SLC6A5: variants seen among roughly 807,000 people sequenced by gnomAD.
SLC6A5 encodes the protein sodium- and chloride-dependent glycine transporter 2.
A neutral mutation model predicts 90.5 loss-of-function variants in SLC6A5; 58 were observed. The ratio of observed to expected loss-of-function variants is 0.64; its 90% confidence interval spans 0.52 to 0.80. SLC6A5 has a LOEUF of 0.80. Ranked by LOEUF, SLC6A5 falls within the 30% of genes least tolerant of loss-of-function variation. The probability of loss-of-function intolerance (pLI) is 0.00; values close to 1 mark genes in which losing one functional copy is unlikely to be tolerated. For synonymous variants in SLC6A5, 427 were observed against 401.4 expected (o/e 1.06, Z -0.76); for missense variants, 1,015 against 1,017.6 (o/e 1.00, Z 0.03).
chr11:20,625,712 A>T (rs1243247712), intron 7 of SLC6A5, among the ~76,000 whole-genome samples: 4 of 151,754 alleles, frequency 2.6e-5, no homozygotes, highest in African/African-American at 9.7e-5. Flanking sequence ...TGCTGTGCTG[A>T]TAGTGAGTGA....
intron 7 of SLC6A5, among the ~76,000 whole-genome samples, chr11:20,625,931 T>C (rs1341556522): frequency 6.6e-5 from 10 of 152,248 alleles, no homozygotes; most frequent in Non-Finnish European, 1.2e-4. Flanking sequence ...ATTGTCTTTG[T>C]GTCTTCTAGG....
Position 20,657,969 on chromosome 11 carries a change from T to G in SLC6A5, c.*3101T>G, listed in dbSNP as rs546536951. On this transcript the variant is annotated 3_prime_UTR_variant, in exon 16 of 16. Transcript: ENST00000525748. ...TGTATTGCATGAGGTCTGTGGTCAA[T>G]GCAAAATCATGATGACCTCAATGTC... The G allele has an allele frequency of 6.6e-6, 1 of 152,372 alleles. No individual in the cohort carries two copies. The highest frequency in any genetic ancestry group is 1.9e-4 in the East Asian group (1 of 5,192). The allele number at this position is 152,372 out of a possible 1,614,324, so 9.4% of individuals were successfully genotyped here. A position where few individuals can be genotyped will look rare whatever the true frequency, so the allele number is the denominator to read the frequency against.
intron 13 of SLC6A5, among the ~76,000 whole-genome samples, chr11:20,646,525 A>G (rs1318963643): frequency 6.6e-6 from 1 of 152,214 alleles, no homozygotes; most frequent in East Asian, 1.9e-4. Context: ...GTGAGATGTC[A>G]GGTTGTAGCA....
chr11:20,637,692 C>T (rs1853236433), intron 12 of SLC6A5, among the ~76,000 whole-genome samples: 1 of 152,210 alleles, frequency 6.6e-6, no homozygotes, highest in Non-Finnish European at 1.5e-5. Flanking sequence ...CACTATACTC[C>T]TGCCTGGGCA....
chr11:20,602,702 C>T (rs1219128994), intron 2 of SLC6A5, among the ~76,000 whole-genome samples: 1 of 150,890 alleles, frequency 6.6e-6, no homozygotes, highest in Non-Finnish European at 1.5e-5. Context: ...CACACACACA[C>T]ACACACATAC....
chr11:20,637,581 G>A (rs560160957), intron 12 of SLC6A5, among the ~76,000 whole-genome samples: 6 of 152,182 alleles, frequency 3.9e-5, no homozygotes, highest in Admixed American at 2.6e-4. Context: ...GTGCAGTGGC[G>A]CATGTCTCTA....
intron 3 of SLC6A5, among the ~76,000 whole-genome samples, chr11:20,604,826 T>C (rs1441471398): frequency 6.6e-6 from 1 of 152,050 alleles, no homozygotes; most frequent in Non-Finnish European, 1.5e-5. Flanking sequence ...TTATATCCTG[T>C]CTTCCTAGGG....
At position 20,657,628 on chromosome 11, in the gene SLC6A5, G is replaced by T. The variant is rs879433254; in HGVS notation, c.*2760G>T. ...GCACCTGAAAACTTCCCTTCAAAGT[G>T]GGGGAAAAAACCGAGTAGCTGAGGA... On this transcript the variant is annotated 3_prime_UTR_variant, in exon 16 of 16. Coordinates refer to ENST00000525748, the MANE Select transcript of SLC6A5 (RefSeq NM_004211.5). 7 of 152,168 alleles carry T rather than the reference G, an allele frequency of 4.6e-5. No individual in the cohort carries two copies. Among genetic ancestry groups the T allele is most frequent in the Non-Finnish European group, 7.3e-5 (5 of 68,036 alleles). 9.4% of individuals were successfully genotyped at this position (152,168 alleles called of 1,614,324 possible).
At chr11:20,634,666 G>T (rs1853170169) in intron 10 of SLC6A5, among the ~76,000 whole-genome samples, 2 of 152,200 alleles carry the variant, frequency 1.3e-5, no homozygotes, top group African/African-American at 4.8e-5. Flanking sequence ...GGAGCCTTCA[G>T]AGGCTGGCTC....
chr11:20,617,741 C>A lies in SLC6A5; in HGVS notation c.1128-11C>A, dbSNP rs771874539. On this transcript the variant is annotated splice_polypyrimidine_tract_variant and intron_variant, in intron 6 of 15. Coordinates refer to ENST00000525748, the MANE Select transcript of SLC6A5 (RefSeq NM_004211.5). ...TCTATCACTCCCCCCATCCCTCCCT[C>A]CAACTCTCAGGTACTTTGTGCTGAA... 9 of 1,613,442 alleles carry A rather than the reference C, an allele frequency of 5.6e-6. No homozygotes were observed. The highest frequency in any genetic ancestry group is 5.3e-5 in the African/African-American group (4 of 75,040).
intron 10 of SLC6A5, 118 bp from the exon 11 acceptor site, chr11:20,636,189 G>T (rs1853202268): frequency 4.1e-6 from 3 of 727,390 alleles, no homozygotes; most frequent in Non-Finnish European, 7.6e-6. Flanking sequence ...AACCAACAGT[G>T]GAAGCAGCAT....
chr11:20,614,584 G>A (rs1335989865), intron 5 of SLC6A5, 95 bp from the exon 6 acceptor site: 4 of 1,189,058 alleles, frequency 3.4e-6, no homozygotes, highest in Non-Finnish European at 5.0e-6. Flanking sequence ...ATTTGCAAAT[G>A]TTTTTGGCAT....
chr11:20,628,181 T>C, intron 9 of SLC6A5, 98 bp downstream of exon 9: 1 of 1,019,532 alleles, frequency 9.8e-7, no homozygotes. Flanking sequence ...TCACATTTCA[T>C]CTTAGGGAGA....
intron 3 of SLC6A5, among the ~76,000 whole-genome samples, chr11:20,606,202 CTA>C (rs1212776092): frequency 6.6e-6 from 1 of 152,236 alleles, no homozygotes; most frequent in African/African-American, 2.4e-5. Flanking sequence ...CTCAGTGACT[CTA>C]TGGAGGCCTG....
At position 20,601,685 on chromosome 11, in the gene SLC6A5, G is replaced by GC. The variant is rs757232125; in HGVS notation, c.540+23dup. On this transcript the variant is annotated intron_variant, in intron 2 of 15. Transcript: ENST00000525748. ...ACCCAGGTAAGCAGGTTGCATTACG[G>GC]CCCGCACAGTGTCCTGCTCTCCAGC... is the stretch of plus-strand genomic sequence containing the variant. 6.2e-7 allele frequency: 1 copy of GC among 1,609,252 alleles called. No homozygotes were observed. The highest frequency in any genetic ancestry group is 1.1e-5 in the South Asian group (1 of 90,666).
chr11:20,614,844 T>C (rs773432602), intron 6 of SLC6A5, 24 bp downstream of exon 6: 2 of 1,597,716 alleles, frequency 1.3e-6, no homozygotes, highest in Non-Finnish European at 1.7e-6. Flanking sequence ...CTTTTTCCTT[T>C]TTTACCTTCT....
chr11:20,601,527 G>C lies in SLC6A5; in HGVS notation c.402G>C (p.Val134=). 6.2e-7 allele frequency: 1 copy of C among 1,614,164 alleles called. No individual in the cohort carries two copies. Among genetic ancestry groups the C allele is most frequent in the Non-Finnish European group, 8.5e-7 (1 of 1,179,980 alleles). ...FLRGPEGDAN[V]SVGKGTLERN... is the part of the protein sequence containing the mutation. ...GAGGCCCGGAGGGGGATGCGAACGT[G>C]AGTGTGGGCAAGGGCACCCTGGAGC... Residue 134 remains valine, a synonymous_variant, in exon 2 of 16, where the codon GTG becomes GTC. Coordinates refer to ENST00000525748, the MANE Select transcript of SLC6A5 (RefSeq NM_004211.5).
intron 1 of SLC6A5, 90 bp from the exon 2 acceptor site, chr11:20,601,039 C>T: frequency 7.5e-7 from 1 of 1,332,622 alleles, no homozygotes; most frequent in Non-Finnish European, 1.0e-6. Context: ...TGTGTCTGGA[C>T]CTGAGTTGCG....
At chr11:20,604,490 A>C (rs1852540312) in intron 3 of SLC6A5, 66 bp downstream of exon 3, 1 of 1,581,086 alleles carries the variant, frequency 6.3e-7, no homozygotes, top group Non-Finnish European at 8.6e-7. Flanking sequence ...TGGGTGGGAC[A>C]GGAGCCCTCA....
Sources: allele counts gnomAD v4.1 joint callset (sites outside exome capture counted in the v4.1 genomes callset), GRCh38; gene constraint gnomAD v4.1.1; transcripts MANE v1.5; gene names NCBI Gene and HGNC (gene_info 2026-07-23, HGNC 2026-07-21).